The following EVC2 variants were observed in gnomAD, a reference collection of about 807,000 sequenced individuals.
The protein encoded by EVC2 is EvC ciliary complex subunit 2.
A neutral mutation model predicts 149.3 loss-of-function variants in EVC2; 148 were observed. The ratio of observed to expected loss-of-function variants is 0.99; its 90% confidence interval spans 0.87 to 1.14. EVC2 has a LOEUF of 1.14. Among genes scored for constraint, EVC2 ranks in the 50% most tolerant of loss-of-function variants. EVC2 has a pLI of 0.00. For synonymous variants in EVC2, 776 were observed against 649.9 expected (o/e 1.19, Z -2.95); for missense variants, 1,854 against 1,627.3 (o/e 1.14, Z -2.40).
chr4:5,685,099 A>G (rs1327968556), intron 6 of EVC2, among the ~76,000 whole-genome samples: 1 of 152,236 alleles, frequency 6.6e-6, no homozygotes, highest in African/African-American at 2.4e-5. Flanking sequence ...CACAGGGAAG[A>G]GAATTCACAT....
At chr4:5,535,425 G>A in the EVC2 span, among the ~76,000 whole-genome samples, 1 of 152,156 alleles carries the variant, frequency 6.6e-6, no homozygotes, top group Non-Finnish European at 1.5e-5. The surrounding 1 kb of genome is among the most constrained non-coding windows in gnomAD (Gnocchi z 4.7). Context: ...AACTGAGAAA[G>A]TGAGTTACAG....
chr4:5,621,451 A>C (rs1465483197), intron 14 of EVC2, among the ~76,000 whole-genome samples: 3 of 152,218 alleles, frequency 2.0e-5, no homozygotes, highest in South Asian at 4.1e-4. Flanking sequence ...AAGTTGCACA[A>C]ACTTAAGTGG....
At chr4:5,545,455 C>G (rs964575694) in intron 21 of EVC2, among the ~76,000 whole-genome samples, 2 of 152,146 alleles carry the variant, frequency 1.3e-5, no homozygotes, top group Non-Finnish European at 2.9e-5. Context: ...AAAATGAGAA[C>G]AGTAACAGGT....
intron 16 of EVC2, among the ~76,000 whole-genome samples, chr4:5,596,609 A>G (rs988324567): frequency 1.3e-5 from 2 of 152,366 alleles, no homozygotes; most frequent in South Asian, 4.1e-4. Flanking sequence ...CGCCCACAAG[A>G]GAAAGCAGGA....
At chr4:5,596,558 G>A (rs1372143737) in intron 16 of EVC2, among the ~76,000 whole-genome samples, 2 of 152,090 alleles carry the variant, frequency 1.3e-5, no homozygotes, top group African/African-American at 2.4e-5. Flanking sequence ...TCTCTGGGAT[G>A]CATTCAAAGC....
Position 5,708,281 on chromosome 4 carries a change from C to T in EVC2, c.228+5G>A. 3 of 1,479,932 alleles carry T rather than the reference C, an allele frequency of 2.0e-6. No individual in the cohort carries two copies. Among genetic ancestry groups the T allele is most frequent in the East Asian group, 2.8e-5 (1 of 35,694 alleles). 91.7% of individuals were successfully genotyped at this position (1,479,932 alleles called of 1,614,324 possible). ...GACCGGAGCCTGGGGTCGGGCCCTC[C>T]TTACCTGCGTGCTGCTCTCGGGCCC... On this transcript the variant is annotated splice_donor_5th_base_variant and intron_variant, in intron 1 of 21. Coordinates refer to ENST00000344408, the MANE Select transcript of EVC2 (RefSeq NM_147127.5).
At chr4:5,689,391 G>T in intron 4 of EVC2, 48 bp from the exon 5 acceptor site, 1 of 1,605,224 alleles carries the variant, frequency 6.2e-7, no homozygotes, top group African/African-American at 1.3e-5. Flanking sequence ...GACAAGTCCA[G>T]CTTCCTAAAA....
chr4:5,628,579 G>A lies in EVC2; in HGVS notation c.1866C>T (p.His622=), dbSNP rs1300374301. 1.9e-6 allele frequency: 3 copies of A among 1,614,094 alleles called. No individual in the cohort carries two copies. The highest frequency in any genetic ancestry group is 1.7e-6 in the Non-Finnish European group (2 of 1,180,030). Residue 622 remains histidine, a synonymous_variant, in exon 12 of 22, where the codon CAC becomes CAT. Transcript: ENST00000344408. ...LLSTAAAQLT[H]LIQKHERAGY... ...GGTACCTCTCGTGCTTCTGAATGAG[G>A]TGAGTCAGCTGGGCTGCAGCGGTGC...
intron 16 of EVC2, among the ~76,000 whole-genome samples, chr4:5,586,503 T>C (rs894853640): frequency 6.6e-6 from 1 of 152,170 alleles, no homozygotes; most frequent in Non-Finnish European, 1.5e-5. Flanking sequence ...AAGGGGGAGC[T>C]GAACATGCCT....
chr4:5,662,012 A>G (rs1043817466), intron 9 of EVC2, among the ~76,000 whole-genome samples: 3 of 152,218 alleles, frequency 2.0e-5, no homozygotes, highest in Non-Finnish European at 4.4e-5. Flanking sequence ...CATTAACTAC[A>G]TAAGAAGAAC....
the EVC2 span, among the ~76,000 whole-genome samples, chr4:5,536,226 T>C: frequency 6.6e-6 from 1 of 152,144 alleles, no homozygotes; most frequent in Non-Finnish European, 1.5e-5. Flanking sequence ...CTAAAAAATG[T>C]GGGTATTGAC....
At chr4:5,638,135 T>C (rs1669692182) in intron 10 of EVC2, among the ~76,000 whole-genome samples, 1 of 152,218 alleles carries the variant, frequency 6.6e-6, no homozygotes, top group African/African-American at 2.4e-5. Context: ...ATGCCTGTAA[T>C]CCCAGCACTT....
Position 5,677,748 on chromosome 4 carries a change from G to C in EVC2, c.870+3512C>G, listed in dbSNP as rs1290530535. 6.6e-6 allele frequency among the ~76,000 whole-genome samples: 1 copy of C among 152,212 alleles called. No individual in the cohort carries two copies. Among genetic ancestry groups the C allele is most frequent in the Non-Finnish European group, 1.5e-5 (1 of 68,046 alleles). ...AAGCTCAATCACGGGATATTTACCT[G>C]TTGAGTGCCACCTACAATGTACCGC... On this transcript the variant is annotated intron_variant, in intron 7 of 21. Transcript: ENST00000344408. This position sits in a 1 kb window ranked among gnomAD's most constrained non-coding sequence, Gnocchi z 4.3.
the EVC2 span, among the ~76,000 whole-genome samples, chr4:5,531,484 G>A: frequency 6.6e-6 from 1 of 152,196 alleles, no homozygotes; most frequent in Non-Finnish European, 1.5e-5. Context: ...GCTAAGTGCT[G>A]TGTGAGTGAG....
At position 5,568,447 on chromosome 4, in the gene EVC2, C is replaced by T. The variant is rs772517447; in HGVS notation, c.3554G>A (p.Arg1185Gln). The T allele has an allele frequency of 2.8e-5, 44 of 1,554,070 alleles. No homozygotes were observed. Among genetic ancestry groups the T allele is most frequent in the Admixed American group, 5.6e-5 (3 of 53,654 alleles). ...GCAGCCCCTCCACGGCACTCACCTC[C>T]GCCTGCCCACGTCGGCCTGCTCCGC... ...GGAEQADVGR[R>Q]RKHQSWWQAL... Residue 1185 changes from arginine to glutamine, a missense_variant, in exon 20 of 22, where the codon CGG becomes CAG. Arg to Gln is a conservative substitution (Grantham distance 43, BLOSUM62 1). Transcript: ENST00000344408.
intron 16 of EVC2, among the ~76,000 whole-genome samples, chr4:5,598,779 G>A (rs1713700794): frequency 6.6e-6 from 1 of 152,104 alleles, no homozygotes; most frequent in South Asian, 2.1e-4. Context: ...AGAGTGAACA[G>A]GCAACCTACA....
Position 5,663,534 on chromosome 4 carries a change from A to C in EVC2, c.1006-288T>G, listed in dbSNP as rs4689274. Among the ~76,000 whole-genome samples the C allele has an allele frequency of 0.78, 118,200 of 152,198 alleles. 46,353 individuals carry two copies. Among genetic ancestry groups the C allele is most frequent in the African/African-American group, 0.88 (36,437 of 41,532 alleles). ...AGCCTGTAAGACCTATAAACTATTTAACTATCATCATCTTTATCATTATCA... is the reference window on the plus strand; with the variant it reads ...AGCCTGTAAGACCTATAAACTATTTCACTATCATCATCTTTATCATTATCA... On this transcript the variant is annotated intron_variant, in intron 8 of 21. Transcript: ENST00000344408.
At chr4:5,575,314 A>C (rs760338609) in intron 18 of EVC2, among the ~76,000 whole-genome samples, 3 of 152,196 alleles carry the variant, frequency 2.0e-5, no homozygotes, top group Non-Finnish European at 4.4e-5. Flanking sequence ...GTGCAACTCA[A>C]ATCAAAAGTT....
chr4:5,708,531 T>C lies in EVC2; in HGVS notation c.-18A>G. On this transcript the variant is annotated 5_prime_UTR_variant, in exon 1 of 22. Transcript: ENST00000344408. ...GGGTCCATCGCCTGTCGGGACCCGC[T>C]ACCTCAAAGCGGCGGGTGCCGCCGA... The C allele has an allele frequency of 4.2e-6, 6 of 1,422,384 alleles. No individual in the cohort carries two copies. The South Asian group carries it at 5.7e-5, about 14-fold the overall frequency. 88.1% of individuals were successfully genotyped at this position (1,422,384 alleles called of 1,614,324 possible).
Sources: gnomAD v4.1 joint callset for allele counts (sites outside exome capture counted in the v4.1 genomes callset) on GRCh38, gnomAD v4.1.1 for gene constraint, Gnocchi (gnomAD v3.1) non-coding constraint, MANE v1.5 for transcripts, NCBI Gene and HGNC (gene_info 2026-07-23, HGNC 2026-07-21) for gene names.